The following KLRG2 variants were observed in gnomAD, a reference collection of about 807,000 sequenced individuals.
KLRG2 encodes killer cell lectin-like receptor subfamily G member 2.
Under a neutral mutation model 35.4 loss-of-function variants are expected in KLRG2, and 39 were observed. That is an observed-to-expected ratio of 1.10 (90% CI 0.85 to 1.44). The LOEUF (loss-of-function observed/expected upper bound fraction) is 1.44. Among genes scored for constraint, KLRG2 ranks in the 40% most tolerant of loss-of-function variants. The pLI, the probability that KLRG2 is intolerant of heterozygous loss-of-function variation, is 0.00. For missense variants in KLRG2, 632 were observed against 570.9 expected (o/e 1.11, Z -1.09); for synonymous variants, 283 against 265.8 (o/e 1.06, Z -0.63).
Position 139,454,142 on chromosome 7 carries a change from A to G in KLRG2, c.1078T>C (p.Trp360Arg), listed in dbSNP as rs1335151305. 6.5e-7 allele frequency: 1 copy of G among 1,546,828 alleles called. No individual in the cohort carries two copies. Among genetic ancestry groups the G allele is most frequent in the Non-Finnish European group, 8.7e-7 (1 of 1,143,960 alleles). ...GAWRGPQGWHWIDEAPLPPQL... is the reference protein window; with the variant it reads ...GAWRGPQGWHRIDEAPLPPQL... ...GGCGGGAGTGGGGCCTCGTCGATCC[A>G]GTGCCAGCCCTGGGGGCCTCGCCAG... The change falls in exon 4 of 5, where the codon TGG (tryptophan) becomes CGG (arginine). Residue 360 changes from tryptophan (W) to arginine (R), a missense_variant. Trp to Arg is a moderately radical substitution (Grantham distance 101). Transcript: ENST00000340940.
intron 3 of KLRG2, among the ~76,000 whole-genome samples, chr7:139,472,581 T>TTA (rs1796777310): frequency 6.9e-6 from 1 of 144,856 alleles, no homozygotes; most frequent in African/African-American, 2.6e-5. Flanking sequence ...CCCGTGTCCA[T>TTA]TAAAAAAAAA....
chr7:139,477,886 GTAGCTGGGAC>G (rs765226569), intron 3 of KLRG2, among the ~76,000 whole-genome samples: 15 of 151,996 alleles, frequency 9.9e-5, no homozygotes, highest in Non-Finnish European at 1.9e-4. Context: ...AGCCTCTGGA[GTAGCTGGGAC>G]TACAGGCGCC....
At chr7:139,457,426 G>T (rs1008551892) in intron 3 of KLRG2, among the ~76,000 whole-genome samples, 2 of 152,162 alleles carry the variant, frequency 1.3e-5, no homozygotes, top group African/African-American at 4.8e-5. Context: ...CATGACTTGT[G>T]AGCCACATGA....
chr7:139,479,930 G>C (rs920351331), intron 2 of KLRG2, among the ~76,000 whole-genome samples, 158 bp from the exon 3 acceptor site: 6 of 152,228 alleles, frequency 3.9e-5, no homozygotes, highest in Non-Finnish European at 7.3e-5. Flanking sequence ...CAAAGTCCCC[G>C]GGGTGGCAGC....
intron 3 of KLRG2, among the ~76,000 whole-genome samples, chr7:139,459,901 G>A (rs189452679): frequency 1.3e-5 from 2 of 152,012 alleles, no homozygotes; most frequent in South Asian, 2.1e-4. Context: ...ACAGGCACCC[G>A]CCACCACACT....
chr7:139,479,948 T>C lies in KLRG2; in HGVS notation c.860-176A>G, dbSNP rs144612499. 8.2e-3 allele frequency among the ~76,000 whole-genome samples: 1,242 copies of C among 152,356 alleles called. 10 individuals are homozygous for C. Among genetic ancestry groups the C allele is most frequent in the Non-Finnish European group, 8.2e-3 (557 of 68,034 alleles). On this transcript the variant is annotated intron_variant, in intron 2 of 4. Transcript: ENST00000340940. ...AGTCCCCGGGGTGGCAGCTGGCATC[T>C]GATTGCTTATCAGGGCACAAGCTGT...
intron 3 of KLRG2, 80 bp downstream of exon 3, chr7:139,479,547 T>C: frequency 7.2e-7 from 1 of 1,390,554 alleles, no homozygotes; most frequent in Non-Finnish European, 9.9e-7. Context: ...CTGGACTCAA[T>C]CATTAAGCTT....
In KLRG2 at chr7:139,466,729, A is replaced by T. The variant is rs191824333; in HGVS notation, c.1006-12515T>A. ...AAATCGCCGAGGCCTCGACTTACTC[A>T]CTGCTAAAAATAAAATAAAAAAAAT... On this transcript the variant is annotated intron_variant, in intron 3 of 4. Transcript: ENST00000340940. Among the ~76,000 whole-genome samples the T allele has an allele frequency of 6.1e-5, 9 of 146,476 alleles. No homozygotes were observed. The East Asian group carries it at 1.9e-3, about 31-fold the overall frequency.
intron 3 of KLRG2, among the ~76,000 whole-genome samples, chr7:139,471,657 T>A (rs1246884415): frequency 6.6e-6 from 1 of 150,736 alleles, no homozygotes; most frequent in Non-Finnish European, 1.5e-5. Context: ...CGAGACTCGG[T>A]CTCAAAAAAA....
intron 3 of KLRG2, among the ~76,000 whole-genome samples, chr7:139,458,905 G>A (rs547525189): frequency 1.3e-5 from 2 of 152,280 alleles, no homozygotes; most frequent in East Asian, 1.9e-4. Context: ...GGGTTTGTGC[G>A]CGCTGCTTCT....
At position 139,482,955 on chromosome 7, in the gene KLRG2, C is replaced by G. The variant is rs1796988167; in HGVS notation, c.688G>C (p.Asp230His). The part of the protein sequence containing the change: ...RCKELGLEKE[D>H]AALLPRAGLD... ...CCCGCGCGGGGCAACAGCGCCGCAT[C>G]CTCCTTCTCCAGCCCCAGCTCCTTG... is the stretch of plus-strand genomic sequence containing the variant. The change falls in exon 1 of 5, where the codon GAT becomes CAT. Residue 230 changes from aspartate (D) to histidine (H), a missense_variant. By Grantham distance (81) the Asp-to-His change is moderately conservative. Transcript: ENST00000340940. The G allele has an allele frequency of 6.8e-7, 1 of 1,470,862 alleles. No individual in the cohort carries two copies. Among genetic ancestry groups the G allele is most frequent in the East Asian group, 2.9e-5 (1 of 34,572 alleles). 91.1% of individuals were successfully genotyped at this position (1,470,862 alleles called of 1,614,324 possible).
chr7:139,447,259 T>C, the KLRG2 span, among the ~76,000 whole-genome samples: 1 of 152,230 alleles, frequency 6.6e-6, no homozygotes, highest in African/African-American at 2.4e-5. Flanking sequence ...GATTTTATCA[T>C]TGTGCAAACA....
chr7:139,434,801 C>T, the KLRG2 span, among the ~76,000 whole-genome samples: 9 of 152,154 alleles, frequency 5.9e-5, no homozygotes, highest in African/African-American at 1.7e-4. Flanking sequence ...GGTTTGAAAA[C>T]AGACTTCGGT....
At position 139,482,964 on chromosome 7, in the gene KLRG2, C is replaced by G; in HGVS notation, c.679G>C (p.Glu227Gln). 6.8e-7 allele frequency: 1 copy of G among 1,461,078 alleles called. No individual in the cohort carries two copies. The highest frequency in any genetic ancestry group is 8.9e-7 in the Non-Finnish European group (1 of 1,117,420). The allele number at this position is 1,461,078 out of a possible 1,614,324, so 90.5% of individuals were successfully genotyped here. Residue 227 changes from glutamate (E) to glutamine (Q), a missense_variant, in exon 1 of 5, where the codon GAG becomes CAG. Coordinates refer to ENST00000340940, the MANE Select transcript of KLRG2 (RefSeq NM_198508.4). ...GGCAACAGCGCCGCATCCTCCTTCT[C>G]CAGCCCCAGCTCCTTGCAGCGGCAG... ...TCCRCKELGL[E>Q]KEDAALLPRA...
chr7:139,465,891 C>G (rs571366379), intron 3 of KLRG2, among the ~76,000 whole-genome samples: 2 of 152,042 alleles, frequency 1.3e-5, no homozygotes, highest in African/African-American at 2.4e-5. Flanking sequence ...CCTACTCCCC[C>G]ACTCAAACTT....
intron 1 of KLRG2, 46 bp downstream of exon 1, chr7:139,482,840 C>T: frequency 7.4e-7 from 1 of 1,360,198 alleles, no homozygotes; most frequent in Non-Finnish European, 9.4e-7. Flanking sequence ...TCGGCTACGT[C>T]CACCCGACCT....
chr7:139,436,132 A>G, the KLRG2 span, among the ~76,000 whole-genome samples: 6 of 152,072 alleles, frequency 3.9e-5, no homozygotes, highest in East Asian at 1.2e-3. Context: ...CGAACTCCTG[A>G]CCTCGAGTGA....
At chr7:139,472,132 T>C (rs999497967) in intron 3 of KLRG2, among the ~76,000 whole-genome samples, 1 of 152,134 alleles carries the variant, frequency 6.6e-6, no homozygotes. Context: ...CCCTATTGTG[T>C]GGGGCAGAAT....
intron 1 of KLRG2, 92 bp downstream of exon 1, chr7:139,482,794 T>C: frequency 8.4e-7 from 1 of 1,186,632 alleles, no homozygotes; most frequent in Non-Finnish European, 1.1e-6. Flanking sequence ...GTCGGTCAGC[T>C]GCCCAGCGGT....
Sources: gnomAD v4.1 joint callset for allele counts (sites outside exome capture counted in the v4.1 genomes callset) on GRCh38, gnomAD v4.1.1 for gene constraint, MANE v1.5 for transcripts, NCBI Gene and HGNC (gene_info 2026-07-23, HGNC 2026-07-21) for gene names.